Variants in CHD1 observed in about 807,000 individuals in gnomAD.
CHD1 encodes the protein chromodomain helicase DNA binding protein 1.
In CHD1, 36 loss-of-function variants were observed where a neutral mutation model predicts 224.2. That is an observed-to-expected ratio of 0.16 (90% CI 0.12 to 0.21). The LOEUF (loss-of-function observed/expected upper bound fraction) is 0.21, where lower values mean the gene tolerates loss of function less well. Among genes scored for constraint, CHD1 ranks in the 10% least tolerant of loss-of-function variants. The pLI is 1.00. For synonymous variants in CHD1, 668 were observed against 658.3 expected, an observed-to-expected ratio of 1.01 and a Z score of -0.23; for missense variants, 1,378 against 1,994.8, an observed-to-expected ratio of 0.69 and a Z score of 5.89.
chr5:98,876,660 A>G, intron 23 of CHD1, 102 bp from the exon 24 acceptor site: 1 of 983,476 alleles, frequency 1.0e-6, no homozygotes, highest in Non-Finnish European at 1.5e-6. Flanking sequence ...AAATGTTATT[A>G]AATGTATCAA....
intron 35 of CHD1, among the ~76,000 whole-genome samples, chr5:98,857,669 A>C (rs974047509): frequency 1.3e-5 from 2 of 152,108 alleles, no homozygotes; most frequent in African/African-American, 4.8e-5. Flanking sequence ...GAGGTTGCTT[A>C]CTGTTCAAAG....
chr5:98,873,577 C>A lies in CHD1; in HGVS notation c.3571+16G>T. On this transcript the variant is annotated intron_variant, in intron 26 of 35. Transcript: ENST00000614616. ...TCATTTACTTCTCTTTTAAATCACT[C>A]TCAGTTTAATGTTACCTGTTCGTTC... 6.4e-7 allele frequency: 1 copy of A among 1,552,512 alleles called. No individual in the cohort carries two copies.
Position 98,899,655 on chromosome 5 carries a change from T to C in CHD1, c.910A>G (p.Asn304Asp). 4 of 1,613,960 alleles carry C rather than the reference T, an allele frequency of 2.5e-6. No homozygotes were observed. Among genetic ancestry groups the C allele is most frequent in the Non-Finnish European group, 3.4e-6 (4 of 1,179,982 alleles). ...IYAVEADGDPNAGFEKNKEPG... is the reference protein window; with the variant it reads ...IYAVEADGDPDAGFEKNKEPG... The stretch of plus-strand genomic sequence containing the variant: ...TCTTTGTTTTTTTCAAAGCCTGCAT[T>C]TGGGTCACCATCTGCTTCAACTGCA... Residue 304 changes from asparagine to aspartate, a missense_variant, in exon 8 of 36, where the codon AAT (asparagine) becomes GAT (aspartate). Physicochemically the swap from Asn to Asp is conservative, Grantham distance 23 (BLOSUM62 1). Transcript: ENST00000614616.
chr5:98,865,596 T>C (rs1748802477), intron 31 of CHD1, among the ~76,000 whole-genome samples: 1 of 152,218 alleles, frequency 6.6e-6, no homozygotes, highest in Non-Finnish European at 1.5e-5. Flanking sequence ...CTCTGCTCTT[T>C]CTTGACTGCT....
In CHD1 at chr5:98,870,718, T is replaced by C. The variant is rs1333900219; in HGVS notation, c.3947A>G (p.Asp1316Gly). 1 of 1,604,730 alleles carries C rather than the reference T, an allele frequency of 6.2e-7. No homozygotes were observed. Among genetic ancestry groups the C allele is most frequent in the Non-Finnish European group, 8.5e-7 (1 of 1,175,406 alleles). Residue 1316 changes from aspartate (D) to glycine (G), a missense_variant, in exon 29 of 36, where the codon GAT (aspartate) becomes GGT (glycine). Transcript: ENST00000614616. ...ADYLIKLLSR[D>G]LAKKEALSGA... ...AGAAAGAGCTTCTTTTTTTGCAAGA[T>C]CTCTACTAAGTAATTTGATGAGGTA...
At chr5:98,867,823 T>TA (rs1243207354) in intron 31 of CHD1, among the ~76,000 whole-genome samples, 3 of 128,140 alleles carry the variant, frequency 2.3e-5, no homozygotes, top group East Asian at 2.4e-4. Context: ...TTTTTTGAGA[T>TA]AGAGTCTCAC....
chr5:98,920,872 G>T (rs551007190), intron 2 of CHD1, among the ~76,000 whole-genome samples: 1 of 151,962 alleles, frequency 6.6e-6, no homozygotes, highest in Admixed American at 6.6e-5. Context: ...TCTCAAGATG[G>T]TTTAGACCAT....
At chr5:98,884,078 G>GTT (rs201222124) in intron 18 of CHD1, among the ~76,000 whole-genome samples, 11 of 130,950 alleles carry the variant, frequency 8.4e-5, no homozygotes, top group East Asian at 2.2e-4. Context: ...TTTGTTTTTT[G>GTT]TTTTTTTTTT....
rs536861124 is a variant in CHD1 at position 98,875,954 on chromosome 5, C to T, written c.3398+444G>A. On this transcript the variant is annotated intron_variant, in intron 24 of 35. Coordinates refer to ENST00000614616, the MANE Select transcript of CHD1 (RefSeq NM_001270.4). ...GGCCAATCTTACCTCATCTCAATTC[C>T]TACTTGAACATATCAGAAATGCTTT... 2.6e-5 allele frequency among the ~76,000 whole-genome samples: 4 copies of T among 152,192 alleles called. No homozygotes were observed. The South Asian group carries it at 6.2e-4, about 24-fold the overall frequency.
At chr5:98,869,938 T>A in intron 29 of CHD1, 56 bp from the exon 30 acceptor site, 13 of 1,337,586 alleles carry the variant, frequency 9.7e-6, no homozygotes, top group Non-Finnish European at 1.4e-5. Context: ...TTTAAAAACT[T>A]CATAAACATT....
chr5:98,891,356 C>T (rs1225960652), intron 15 of CHD1, among the ~76,000 whole-genome samples: 8 of 152,066 alleles, frequency 5.3e-5, no homozygotes, highest in Admixed American at 5.2e-4. Context: ...GGATTACAGG[C>T]ATGAGCCACT....
intron 2 of CHD1, among the ~76,000 whole-genome samples, chr5:98,910,907 T>C (rs1191984751): frequency 1.3e-5 from 2 of 151,810 alleles, no homozygotes; most frequent in East Asian, 3.9e-4. Context: ...TCTGCAGATA[T>C]CTTTTTTATT....
Position 98,883,468 on chromosome 5 carries a change from T to C in CHD1, c.2569-231A>G, listed in dbSNP as rs146735035. Among the ~76,000 whole-genome samples the C allele has an allele frequency of 1.8e-3, 278 of 152,218 alleles. 1 individual carries two copies. Among genetic ancestry groups the C allele is most frequent in the African/African-American group, 6.2e-3 (256 of 41,522 alleles). The stretch of plus-strand genomic sequence containing the variant: ...AACGGGATAGGAAAGGAATGACACT[T>C]CAACTCTAACTGTAAATTTTATTTC... On this transcript the variant is annotated intron_variant, in intron 18 of 35. Transcript: ENST00000614616.
chr5:98,901,418 A>T (rs1302815153), intron 5 of CHD1, 83 bp from the exon 6 acceptor site: 8 of 1,105,282 alleles, frequency 7.2e-6, no homozygotes, highest in African/African-American at 1.6e-5. Context: ...CAAATCAACC[A>T]AACTATATTC....
At chr5:98,908,052 T>G (rs1752161438) in intron 2 of CHD1, among the ~76,000 whole-genome samples, 1 of 152,166 alleles carries the variant, frequency 6.6e-6, no homozygotes, top group African/African-American at 2.4e-5. Flanking sequence ...GATGGTGGCC[T>G]TTCTTTTTTG....
intron 1 of CHD1, among the ~76,000 whole-genome samples, chr5:98,928,009 G>A (rs1043937057): frequency 6.6e-6 from 1 of 152,154 alleles, no homozygotes; most frequent in Non-Finnish European, 1.5e-5. Flanking sequence ...GCACTCGAAA[G>A]AGGTTTGGAA....
chr5:98,869,059 TTTG>T (rs769606948), intron 30 of CHD1: 22 of 896,918 alleles, frequency 2.5e-5, no homozygotes, highest in Non-Finnish European at 2.8e-5. Flanking sequence ...CTTCTTTTAC[TTTG>T]TTTTCTCTTT....
rs1561467169 is a variant in CHD1 at position 98,854,685 on chromosome 5, CA to C, written c.*1694del. 1 of 151,998 alleles carries C rather than the reference CA, an allele frequency of 6.6e-6. No homozygotes were observed. The highest frequency in any genetic ancestry group is 1.9e-4 in the East Asian group (1 of 5,194). The allele number at this position is 151,998 out of a possible 1,614,324, so 9.4% of individuals were successfully genotyped here. On this transcript the variant is annotated 3_prime_UTR_variant, in exon 36 of 36. Transcript: ENST00000614616. ...ACAAAACAAAAAGCAAAAAAACCCA[CA>C]AGCTTTTATACACATAAACCTAATT...
chr5:98,874,771 G>A (rs991508999), intron 25 of CHD1, among the ~76,000 whole-genome samples: 11 of 151,432 alleles, frequency 7.3e-5, no homozygotes, highest in Non-Finnish European at 1.3e-4. Flanking sequence ...AAATCTGCTC[G>A]TGCTACTTTT....
Sources: allele counts gnomAD v4.1 joint callset (sites outside exome capture counted in the v4.1 genomes callset), GRCh38; gene constraint gnomAD v4.1.1; transcripts MANE v1.5; gene names NCBI Gene and HGNC (gene_info 2026-07-23, HGNC 2026-07-21).